Variants in SHROOM3 observed in about 807,000 individuals in gnomAD.
SHROOM3 encodes protein Shroom3.
In SHROOM3, 47 loss-of-function variants were observed where a neutral mutation model predicts 138.6. That is an observed-to-expected ratio of 0.34 (90% CI 0.27 to 0.43). SHROOM3 has a LOEUF of 0.43. Among genes scored for constraint, SHROOM3 ranks in the 20% least tolerant of loss-of-function variants. The pLI is 1.00. For synonymous variants in SHROOM3, 1,062 were observed against 1,063.3 expected, an observed-to-expected ratio of 1.00 and a Z score of 0.02; for missense variants, 2,491 against 2,596.5, an observed-to-expected ratio of 0.96 and a Z score of 0.88.
At chr4:76,680,055 A>C (rs1195480954) in intron 2 of SHROOM3, among the ~76,000 whole-genome samples, 2 of 152,218 alleles carry the variant, frequency 1.3e-5, no homozygotes, top group Admixed American at 6.5e-5. Flanking sequence ...AAGGTTGAAA[A>C]GGAAAAACAC....
chr4:76,616,159 A>T (rs904138434), intron 2 of SHROOM3, among the ~76,000 whole-genome samples: 1 of 152,206 alleles, frequency 6.6e-6, no homozygotes, highest in Non-Finnish European at 1.5e-5. Context: ...TTCTAAAAAA[A>T]ACATTGCAGC....
At chr4:76,504,420 A>G (rs1732163925) in intron 1 of SHROOM3, among the ~76,000 whole-genome samples, 1 of 152,168 alleles carries the variant, frequency 6.6e-6, no homozygotes, top group South Asian at 2.1e-4. Context: ...CGGCCTCCCA[A>G]AGTGCTGGAA....
chr4:76,706,441 C>A lies in SHROOM3; in HGVS notation c.324-3715C>A, dbSNP rs376561413. 4.7e-4 allele frequency among the ~76,000 whole-genome samples: 72 copies of A among 152,274 alleles called. 2 individuals are homozygous for A. The South Asian group carries it at 0.015, about 31-fold the overall frequency. On this transcript the variant is annotated intron_variant, in intron 2 of 10. Coordinates refer to ENST00000296043, the MANE Select transcript of SHROOM3 (RefSeq NM_020859.4). ...AAGAATGTTATTATGCTAAGAAAATCATAAGGAAGAGAAAATACGTTTACT... is the reference window on the plus strand; with the variant it reads ...AAGAATGTTATTATGCTAAGAAAATAATAAGGAAGAGAAAATACGTTTACT...
chr4:76,709,400 A>G (rs932414633), intron 2 of SHROOM3, among the ~76,000 whole-genome samples: 10 of 152,248 alleles, frequency 6.6e-5, no homozygotes, highest in African/African-American at 2.2e-4. Flanking sequence ...AGACATCAAG[A>G]GCACAGTCAG....
chr4:76,503,195 A>ACACACACACACG (rs1182645802), intron 1 of SHROOM3, among the ~76,000 whole-genome samples: 4 of 151,588 alleles, frequency 2.6e-5, no homozygotes, highest in Non-Finnish European at 5.9e-5. Flanking sequence ...ACACACACAC[A>ACACACACACACG]CATGCCTAGA....
chr4:76,707,565 C>A (rs1037739705), intron 2 of SHROOM3, among the ~76,000 whole-genome samples: 3 of 152,052 alleles, frequency 2.0e-5, no homozygotes, highest in African/African-American at 7.3e-5. Context: ...TTGTCTATGG[C>A]AGTCTGTTTT....
intron 2 of SHROOM3, among the ~76,000 whole-genome samples, chr4:76,698,280 T>G (rs1458284750): frequency 9.2e-5 from 14 of 152,174 alleles, no homozygotes; most frequent in Non-Finnish European, 2.1e-4. Flanking sequence ...TTAAAAAAAG[T>G]GCATGTGAGC....
chr4:76,747,515 T>C (rs957429045), intron 5 of SHROOM3, among the ~76,000 whole-genome samples: 4 of 152,172 alleles, frequency 2.6e-5, no homozygotes. Context: ...AGCTCGATAT[T>C]CTAGGGGCCA....
At chr4:76,572,934 T>C (rs1330455721) in intron 2 of SHROOM3, among the ~76,000 whole-genome samples, 2 of 151,702 alleles carry the variant, frequency 1.3e-5, no homozygotes, top group Non-Finnish European at 2.9e-5. Flanking sequence ...TACAAAAGAT[T>C]AGCCAGGTGT....
chr4:76,664,124 T>C lies in SHROOM3; in HGVS notation c.324-46032T>C, dbSNP rs551670076. On this transcript the variant is annotated intron_variant, in intron 2 of 10. Transcript: ENST00000296043. This position sits in a 1 kb window ranked among gnomAD's most constrained non-coding sequence, Gnocchi z 4.2. Reference sequence around the variant, plus strand: ...GTCTGGCGTCATTGAAAGAATACTTTCTCTGTAGGCCCATAGTCATTTACC... The same window carrying C: ...GTCTGGCGTCATTGAAAGAATACTTCCTCTGTAGGCCCATAGTCATTTACC... 1.3e-5 allele frequency among the ~76,000 whole-genome samples: 2 copies of C among 152,332 alleles called. No individual in the cohort carries two copies. The highest frequency in any genetic ancestry group is 2.9e-5 in the Non-Finnish European group (2 of 68,028).
chr4:76,454,132 C>T (rs954458546), intron 1 of SHROOM3, among the ~76,000 whole-genome samples: 1 of 152,156 alleles, frequency 6.6e-6, no homozygotes, highest in Admixed American at 6.5e-5. Context: ...CAACCTCCGC[C>T]TCCTGGGTTC....
chr4:76,600,601 C>T (rs1202593213), intron 2 of SHROOM3, among the ~76,000 whole-genome samples: 1 of 152,152 alleles, frequency 6.6e-6, no homozygotes, highest in African/African-American at 2.4e-5. Flanking sequence ...CTTCAACTTT[C>T]TTATCAAGAA....
chr4:76,747,596 A>G (rs1349357976), intron 5 of SHROOM3, among the ~76,000 whole-genome samples: 1 of 152,210 alleles, frequency 6.6e-6, no homozygotes, highest in Non-Finnish European at 1.5e-5. Flanking sequence ...ATATGAATAC[A>G]TATTTATACT....
intron 1 of SHROOM3, among the ~76,000 whole-genome samples, chr4:76,524,942 T>C (rs559202651): frequency 3.3e-4 from 51 of 152,326 alleles, no homozygotes; most frequent in African/African-American, 1.2e-3. Flanking sequence ...TAAGTTTCCA[T>C]TTTTCTGGAA....
chr4:76,504,016 C>A (rs1185526964), intron 1 of SHROOM3, among the ~76,000 whole-genome samples: 3 of 151,840 alleles, frequency 2.0e-5, no homozygotes, highest in African/African-American at 7.3e-5. Context: ...ACTCCATGAA[C>A]AAAAAGGAAC....
chr4:76,512,296 T>C (rs1194759582), intron 1 of SHROOM3, among the ~76,000 whole-genome samples: 2 of 152,178 alleles, frequency 1.3e-5, no homozygotes, highest in East Asian at 1.9e-4. Flanking sequence ...ATTGGGCTCA[T>C]ACCCTGAGAT....
chr4:76,588,433 T>C (rs1281777160), intron 2 of SHROOM3, among the ~76,000 whole-genome samples: 1 of 152,178 alleles, frequency 6.6e-6, no homozygotes, highest in Non-Finnish European at 1.5e-5. Flanking sequence ...GGGTCCCTAC[T>C]GGTGCTGTGG....
chr4:76,494,321 A>T (rs1731920905), intron 1 of SHROOM3, among the ~76,000 whole-genome samples: 1 of 152,172 alleles, frequency 6.6e-6, no homozygotes, highest in South Asian at 2.1e-4. Context: ...AATCTTTAGG[A>T]AGTAAAAGAA....
chr4:76,580,446 C>CTTTTTTTT (rs869200924), intron 2 of SHROOM3, among the ~76,000 whole-genome samples: 3 of 88,088 alleles, frequency 3.4e-5, no homozygotes, highest in East Asian at 3.2e-4. Flanking sequence ...TGGGCAAGTT[C>CTTTTTTTT]TTTTTTTTTT....
Sources: allele counts gnomAD v4.1 joint callset (sites outside exome capture counted in the v4.1 genomes callset), GRCh38; gene constraint gnomAD v4.1.1; non-coding constraint Gnocchi (gnomAD v3.1); transcripts MANE v1.5; gene names NCBI Gene and HGNC (gene_info 2026-07-23, HGNC 2026-07-21).